CHD6: variants seen among roughly 807,000 people sequenced by gnomAD.
The protein encoded by CHD6 is ATP-dependent chromatin remodeler CHD6.
A neutral mutation model predicts 276.9 loss-of-function variants in CHD6; 50 were observed. That is an observed-to-expected ratio of 0.18 (90% CI 0.14 to 0.23). CHD6 has a LOEUF of 0.23. Ranked by LOEUF, CHD6 falls within the 10% of genes least tolerant of loss-of-function variation. The probability of loss-of-function intolerance (pLI) is 1.00; values close to 1 mark genes in which losing one functional copy is unlikely to be tolerated. For missense variants in CHD6, 2,564 were observed against 3,365.8 expected (o/e 0.76, Z 5.89); for synonymous variants, 1,173 against 1,229.3 (o/e 0.95, Z 0.96).
intron 1 of CHD6, among the ~76,000 whole-genome samples, chr20:41,556,080 T>C (rs1288522763): frequency 2.6e-5 from 4 of 151,872 alleles, no homozygotes; most frequent in African/African-American, 9.6e-5. Flanking sequence ...CGAAACCCCG[T>C]CTCCACCAAA....
At chr20:41,538,128 A>G (rs1466770136) in intron 2 of CHD6, among the ~76,000 whole-genome samples, 1 of 152,218 alleles carries the variant, frequency 6.6e-6, no homozygotes, top group Non-Finnish European at 1.5e-5. Flanking sequence ...AGGTGGGCGG[A>G]TCACATGAGG....
intron 5 of CHD6, among the ~76,000 whole-genome samples, chr20:41,506,767 T>C (rs775831192): frequency 2.0e-5 from 3 of 152,198 alleles, no homozygotes; most frequent in Non-Finnish European, 4.4e-5. Flanking sequence ...AGTTGTGAAT[T>C]TGTTGCAAGC....
At chr20:41,460,772 G>C (rs1249226815) in intron 17 of CHD6, among the ~76,000 whole-genome samples, 1 of 152,202 alleles carries the variant, frequency 6.6e-6, no homozygotes, top group Non-Finnish European at 1.5e-5. Flanking sequence ...GGAAATGTGG[G>C]GTCGGAGCCC....
At chr20:41,437,222 TTTC>T in intron 27 of CHD6, 49 bp downstream of exon 27, 1 of 1,380,558 alleles carries the variant, frequency 7.2e-7, no homozygotes, top group Non-Finnish European at 1.0e-6. Context: ...TAGGGATTTC[TTTC>T]TTAATATGAA....
chr20:41,455,970 G>A lies in CHD6; in HGVS notation c.2839C>T (p.Leu947Phe). 1 of 1,575,512 alleles carries A rather than the reference G, an allele frequency of 6.3e-7. No individual in the cohort carries two copies. The highest frequency in any genetic ancestry group is 8.6e-7 in the Non-Finnish European group (1 of 1,162,036). Residue 947 changes from leucine to phenylalanine, a missense_variant, in exon 19 of 37, where the codon CTC (leucine) becomes TTC (phenylalanine). By Grantham distance (22) the Leu-to-Phe change is conservative. Around this residue, in one of 7 missense-constraint regions of CHD6, gnomAD observed 457 missense variants for 889.0 expected, o/e 0.51. Coordinates refer to ENST00000373233, the MANE Select transcript of CHD6 (RefSeq NM_032221.5). Reference sequence around the variant, plus strand: ...AGGTCCTCCACCTCCATTTTTGAGAGCTGCTGTACCTGGACAGGTCACCAA... The same window carrying A: ...AGGTCCTCCACCTCCATTTTTGAGAACTGCTGTACCTGGACAGGTCACCAA... ...RKGGTNGVQQ[L>F]SKMEVEDLLR...
chr20:41,538,154 C>G (rs2044872151), intron 2 of CHD6, among the ~76,000 whole-genome samples: 1 of 152,134 alleles, frequency 6.6e-6, no homozygotes, highest in African/African-American at 2.4e-5. Flanking sequence ...AGTTCAAGAC[C>G]AGCCAGGCCA....
chr20:41,562,944 T>C (rs1261167248), intron 1 of CHD6, among the ~76,000 whole-genome samples: 1 of 152,230 alleles, frequency 6.6e-6, no homozygotes. Context: ...CAAATATTAC[T>C]TGTGAGAAGG....
Position 41,574,345 on chromosome 20 carries a change from A to T in CHD6, c.-23-22985T>A, listed in dbSNP as rs2045450840. 5.3e-5 allele frequency among the ~76,000 whole-genome samples: 8 copies of T among 152,296 alleles called. No homozygotes were observed. In the South Asian group the frequency reaches 1.7e-3, roughly 32 times the overall value. On this transcript the variant is annotated intron_variant, in intron 1 of 36. Coordinates refer to ENST00000373233, the MANE Select transcript of CHD6 (RefSeq NM_032221.5). ...GCATGGGTCCTACCTATACTTGGAG[A>T]TAATGAAATCATCCCCTAGTTTTTT...
At chr20:41,435,245 A>G (rs1449840212) in intron 27 of CHD6, among the ~76,000 whole-genome samples, 1 of 152,218 alleles carries the variant, frequency 6.6e-6, no homozygotes, top group Non-Finnish European at 1.5e-5. Flanking sequence ...CACTAAATGC[A>G]TATATTAGAC....
intron 34 of CHD6, chr20:41,414,357 G>A (rs958103817): frequency 6.5e-6 from 1 of 152,708 alleles, no homozygotes; most frequent in Admixed American, 6.5e-5. Context: ...TATAAAATGG[G>A]AATAACAAAG....
At chr20:41,412,892 C>A (rs908599570) in intron 35 of CHD6, among the ~76,000 whole-genome samples, 4 of 152,254 alleles carry the variant, frequency 2.6e-5, no homozygotes, top group African/African-American at 9.6e-5. Context: ...CCAACCACCG[C>A]AAATGGAATG....
At chr20:41,537,795 G>A (rs559942336) in intron 2 of CHD6, among the ~76,000 whole-genome samples, 2 of 152,254 alleles carry the variant, frequency 1.3e-5, no homozygotes, top group South Asian at 4.2e-4. Flanking sequence ...AATATAAAAT[G>A]GTGAAGCCAC....
intron 17 of CHD6, chr20:41,459,461 G>T (rs374950708): frequency 6.6e-6 from 1 of 152,216 alleles, no homozygotes; most frequent in African/African-American, 2.4e-5. Context: ...TCTGTGATAC[G>T]ATTTGGCTGT....
Position 41,402,374 on chromosome 20 carries a change from G to C in CHD6, c.*2219C>G, listed in dbSNP as rs1316699831. 3 of 229,212 alleles carry C rather than the reference G, an allele frequency of 1.3e-5. No individual in the cohort carries two copies. Among genetic ancestry groups the C allele is most frequent in the African/African-American group, 6.6e-5 (3 of 45,118 alleles). 14.2% of individuals were successfully genotyped at this position (229,212 alleles called of 1,614,324 possible). On this transcript the variant is annotated 3_prime_UTR_variant, in exon 37 of 37. Coordinates refer to ENST00000373233, the MANE Select transcript of CHD6 (RefSeq NM_032221.5). ...TCAAATAGAAGCCTGAACACCCAGA[G>C]AGTTAACATACAGATTCCATAAGGA...
chr20:41,443,633 C>T (rs1168021670), intron 25 of CHD6, among the ~76,000 whole-genome samples: 1 of 152,252 alleles, frequency 6.6e-6, no homozygotes, highest in East Asian at 1.9e-4. Context: ...TCACTCTGTC[C>T]TCTAAGTCTC....
intron 24 of CHD6, 24 bp downstream of exon 24, chr20:41,447,858 T>TA: frequency 6.6e-7 from 1 of 1,521,704 alleles, no homozygotes. Context: ...TTAACGTTGA[T>TA]ATGTTAAGTT....
At chr20:41,447,434 C>T (rs1048625023) in intron 24 of CHD6, among the ~76,000 whole-genome samples, 3 of 152,076 alleles carry the variant, frequency 2.0e-5, no homozygotes, top group Non-Finnish European at 4.4e-5. Context: ...CACTAATTTG[C>T]AAAACTAACA....
At chr20:41,418,580 T>C (rs1027749112) in intron 31 of CHD6, among the ~76,000 whole-genome samples, 4 of 151,762 alleles carry the variant, frequency 2.6e-5, no homozygotes, top group Non-Finnish European at 5.9e-5. Flanking sequence ...AGCAGAGGAG[T>C]TGAATTTAAG....
intron 18 of CHD6, 22 bp downstream of exon 18, chr20:41,457,242 A>G (rs1442462289): frequency 6.2e-7 from 1 of 1,605,086 alleles, no homozygotes; most frequent in Non-Finnish European, 8.5e-7. Context: ...TTAAGACTCC[A>G]GAGCAGGCCC....
Sources: gnomAD v4.1 joint callset for allele counts (sites outside exome capture counted in the v4.1 genomes callset) on GRCh38, gnomAD v4.1.1 for gene constraint, gnomAD v4.1.1 regional missense constraint, MANE v1.5 for transcripts, NCBI Gene and HGNC (gene_info 2026-07-23, HGNC 2026-07-21) for gene names.